CROCC2: variants seen among roughly 807,000 people sequenced by gnomAD.
The protein encoded by CROCC2 is ciliary rootlet coiled-coil protein 2.
A neutral mutation model predicts 177.6 loss-of-function variants in CROCC2; 163 were observed. That is an observed-to-expected ratio of 0.92 (90% CI 0.81 to 1.05). The LOEUF is 1.05. Ranked by LOEUF, CROCC2 falls within the 50% of genes least tolerant of loss-of-function variation. The pLI, the probability that CROCC2 is intolerant of heterozygous loss-of-function variation, is 0.00. For synonymous variants in CROCC2, 904 were observed against 787.3 expected (o/e 1.15, Z -2.48); for missense variants, 1,929 against 1,797.8 (o/e 1.07, Z -1.32).
intron 19 of CROCC2, chr2:240,957,951 G>A: frequency 4.1e-6 from 4 of 984,748 alleles, no homozygotes; most frequent in Non-Finnish European, 4.8e-6. Flanking sequence ...GATGCCTCTG[G>A]CTCACAGAGG....
At chr2:240,983,213 A>G (rs2059813509) in intron 28 of CROCC2, 184 bp downstream of exon 28, 5 of 845,886 alleles carry the variant, frequency 5.9e-6, no homozygotes, top group Non-Finnish European at 8.9e-6. Context: ...CCGCTGACAG[A>G]TGGGGAAACT....
At position 240,932,844 on chromosome 2, in the gene CROCC2, C is replaced by T; in HGVS notation, c.1187C>T (p.Ala396Val). 1 of 1,544,256 alleles carries T rather than the reference C, an allele frequency of 6.5e-7. No homozygotes were observed. Residue 396 changes from alanine to valine, a missense_variant, in exon 9 of 32, where the codon GCC becomes GTC. Around this residue, in one of 3 missense-constraint regions of CROCC2, gnomAD observed 1,397 missense variants for 1,239.9 expected, o/e 1.13. Transcript: ENST00000690015. ...TCCCCACCACACATCTGCTCCCCAGCCACCCTGGACCCCGCACTGCAGGCC... is the reference window on the plus strand; with the variant it reads ...TCCCCACCACACATCTGCTCCCCAGTCACCCTGGACCCCGCACTGCAGGCC... ...GASPPHICSP[A>V]TLDPALQAMR...
chr2:240,947,359 C>T (rs74000178), intron 15 of CROCC2, among the ~76,000 whole-genome samples: 2 of 152,158 alleles, frequency 1.3e-5, no homozygotes, highest in African/African-American at 4.8e-5. Flanking sequence ...AACACAGGCC[C>T]CAGCCAGAGC....
At chr2:240,963,880 T>TGG in intron 21 of CROCC2, 107 bp downstream of exon 21, 2 of 1,189,150 alleles carry the variant, frequency 1.7e-6, no homozygotes, top group South Asian at 2.9e-5. Flanking sequence ...CCTGTTGACT[T>TGG]GGGCCCCACT....
intron 15 of CROCC2, 87 bp downstream of exon 15, chr2:240,946,340 C>T: frequency 1.5e-6 from 2 of 1,294,652 alleles, no homozygotes; most frequent in Non-Finnish European, 2.1e-6. Flanking sequence ...GGGACAATCG[C>T]ACCATGACAT....
At chr2:240,971,905 G>A (rs907526991) in intron 27 of CROCC2, among the ~76,000 whole-genome samples, 20 of 152,028 alleles carry the variant, frequency 1.3e-4, no homozygotes, top group African/African-American at 3.4e-4. Flanking sequence ...GCCGCATCTC[G>A]TCTGCTGCTC....
Position 240,965,621 on chromosome 2 carries a change from A to G in CROCC2, c.3604-15A>G, listed in dbSNP as rs1333943576. 4.5e-6 allele frequency: 7 copies of G among 1,550,344 alleles called. No individual in the cohort carries two copies. The highest frequency in any genetic ancestry group is 2.4e-5 in the East Asian group (1 of 40,908). On this transcript the variant is annotated splice_polypyrimidine_tract_variant and intron_variant, in intron 23 of 31. Transcript: ENST00000690015. Reference sequence around the variant, plus strand: ...CACTGTCTCCCACGGGCGCACCCCAACATCCCTCCTACAGGTCCTGGGATT... The same window carrying G: ...CACTGTCTCCCACGGGCGCACCCCAGCATCCCTCCTACAGGTCCTGGGATT...
intron 14 of CROCC2, among the ~76,000 whole-genome samples, chr2:240,940,756 A>T (rs1234185445): frequency 6.6e-6 from 1 of 152,172 alleles, no homozygotes; most frequent in East Asian, 1.9e-4. Flanking sequence ...AATGGGGAAA[A>T]GTTGAAAGCA....
In CROCC2 at chr2:240,953,368, C is replaced by T. The variant is rs56732339; in HGVS notation, c.2830-2491C>T. On this transcript the variant is annotated intron_variant, in intron 18 of 31. Transcript: ENST00000690015. This position sits in a 1 kb window ranked among gnomAD's most constrained non-coding sequence, Gnocchi z 4.0. ...AGATTCTCACTGAGATTGCAGTGAG[C>T]GGAGATCACGCCACTGCATTCCAGC... Among the ~76,000 whole-genome samples the T allele has an allele frequency of 2.6e-5, 4 of 151,502 alleles. No homozygotes were observed. Among genetic ancestry groups the T allele is most frequent in the East Asian group, 1.9e-4 (1 of 5,160 alleles).
intron 18 of CROCC2, among the ~76,000 whole-genome samples, chr2:240,951,952 T>C (rs925536250): frequency 2.0e-5 from 3 of 152,184 alleles, no homozygotes; most frequent in African/African-American, 7.2e-5. Flanking sequence ...TGTTCCAGTA[T>C]ATCATGCTAC....
At chr2:240,921,523 C>G (rs1010868238) in intron 3 of CROCC2, among the ~76,000 whole-genome samples, 1 of 152,198 alleles carries the variant, frequency 6.6e-6, no homozygotes, top group African/African-American at 2.4e-5. Flanking sequence ...GAAATGCTGC[C>G]GACAGATTAG....
At chr2:240,983,314 C>A in intron 28 of CROCC2, 1 of 1,203,440 alleles carries the variant, frequency 8.3e-7, no homozygotes, top group Non-Finnish European at 1.1e-6. Context: ...TGTGGACACG[C>A]CGTTTAGGAG....
intron 1 of CROCC2, among the ~76,000 whole-genome samples, chr2:240,910,170 G>A (rs1049798688): frequency 4.6e-5 from 7 of 152,156 alleles, no homozygotes; most frequent in African/African-American, 1.7e-4. Context: ...GGGTGAGCAA[G>A]TCGGACTTGG....
intron 2 of CROCC2, among the ~76,000 whole-genome samples, chr2:240,919,255 C>T (rs770655014): frequency 2.0e-5 from 3 of 152,122 alleles, no homozygotes; most frequent in Non-Finnish European, 2.9e-5. Context: ...TCGATACCCA[C>T]AGGGCACTCA....
At chr2:240,975,683 T>A (rs1348092168) in intron 27 of CROCC2, among the ~76,000 whole-genome samples, 1 of 147,540 alleles carries the variant, frequency 6.8e-6, no homozygotes, top group Non-Finnish European at 1.5e-5. Context: ...ACAGCTTCCC[T>A]GGGGGCATCT....
At chr2:240,936,058 C>T (rs1316346415) in intron 14 of CROCC2, among the ~76,000 whole-genome samples, 2 of 152,204 alleles carry the variant, frequency 1.3e-5, no homozygotes, top group African/African-American at 2.4e-5. Context: ...CTCGTTCATC[C>T]GTGTGAAAAC....
chr2:240,950,189 G>T (rs192312551), intron 17 of CROCC2, 145 bp from the exon 18 acceptor site: 1 of 722,784 alleles, frequency 1.4e-6, no homozygotes, highest in Non-Finnish European at 2.3e-6. Context: ...AGGGGAAGAC[G>T]TGGGGGGTGT....
Position 240,932,834 on chromosome 2 carries a change from T to G in CROCC2, c.1177T>G (p.Cys393Gly). Residue 393 changes from cysteine (C) to glycine (G), a missense_variant, in exon 9 of 32, where the codon TGC (cysteine) becomes GGC (glycine). Coordinates refer to ENST00000690015, the MANE Select transcript of CROCC2 (RefSeq NM_001351305.2). ...TCAAGGGGCGTCCCCACCACACATC[T>G]GCTCCCCAGCCACCCTGGACCCCGC... ...PHQGASPPHICSPATLDPALQ... is the reference protein window; with the variant it reads ...PHQGASPPHIGSPATLDPALQ... 1 of 1,544,468 alleles carries G rather than the reference T, an allele frequency of 6.5e-7. No homozygotes were observed. Among genetic ancestry groups the G allele is most frequent in the Non-Finnish European group, 8.7e-7 (1 of 1,143,922 alleles).
rs550921767 is a variant in CROCC2, at chr2:240,955,594, C to T, written c.2830-265C>T. 2.2e-3 allele frequency: 995 copies of T among 450,162 alleles called. 2 individuals carry two copies. Among genetic ancestry groups the T allele is most frequent in the Non-Finnish European group, 3.2e-3 (813 of 250,320 alleles). The allele number at this position is 450,162 out of a possible 1,614,324, so 27.9% of individuals were successfully genotyped here. On this transcript the variant is annotated intron_variant, in intron 18 of 31. Coordinates refer to ENST00000690015, the MANE Select transcript of CROCC2 (RefSeq NM_001351305.2). ...GAGGAAGGGGAGGATACCCCAGGGA[C>T]GTGCCCAAGTGCAGACACAGAGGTG...
Sources: allele counts gnomAD v4.1 joint callset (sites outside exome capture counted in the v4.1 genomes callset), GRCh38; gene constraint gnomAD v4.1.1; regional missense constraint gnomAD v4.1.1; non-coding constraint Gnocchi (gnomAD v3.1); transcripts MANE v1.5; gene names NCBI Gene and HGNC (gene_info 2026-07-23, HGNC 2026-07-21).